The following STK3 variants were observed in gnomAD, a reference collection of about 807,000 sequenced individuals.
The protein encoded by STK3 is serine/threonine kinase 3, also known as serine/threonine-protein kinase 3.
A neutral mutation model predicts 58.0 loss-of-function variants in STK3; 41 were observed. That is an observed-to-expected ratio of 0.71 (90% CI 0.55 to 0.92). The LOEUF (loss-of-function observed/expected upper bound fraction) is 0.92, where lower values mean the gene tolerates loss of function less well. Among genes scored for constraint, STK3 ranks in the 40% least tolerant of loss-of-function variants. STK3 has a pLI of 0.00. For synonymous variants in STK3, 170 were observed against 191.0 expected (o/e 0.89, Z 0.91); for missense variants, 479 against 602.7 (o/e 0.79, Z 2.15).
rs933009170 is a variant in STK3 at position 98,918,955 on chromosome 8, T to G, written c.-79+23423A>C. 3.3e-5 allele frequency among the ~76,000 whole-genome samples: 5 copies of G among 151,582 alleles called. No homozygotes were observed. The East Asian group carries it at 5.9e-4, about 18-fold the overall frequency. On this transcript the variant is annotated intron_variant, in intron 1 of 1. Coordinates refer to the STK3 transcript ENST00000519420. ...AGAGTAAGAGGCAATAACAGTGTCA[T>G]GGCCAAGCAGAAGAAAGGGTTAGGG...
intron 1 of STK3, among the ~76,000 whole-genome samples, chr8:98,793,531 C>T (rs1832941615): frequency 6.6e-6 from 1 of 152,008 alleles, no homozygotes; most frequent in South Asian, 2.1e-4. Context: ...AGTCTCAAAA[C>T]AAACAAGCAA....
At chr8:98,718,090 T>A (rs544088393) in intron 4 of STK3, among the ~76,000 whole-genome samples, 11 of 151,360 alleles carry the variant, frequency 7.3e-5, no homozygotes, top group Non-Finnish European at 1.3e-4. Flanking sequence ...GGGTACAGAG[T>A]TTCAGTCTTA....
At chr8:98,650,527 C>T (rs1247973993) in intron 6 of STK3, among the ~76,000 whole-genome samples, 1 of 152,236 alleles carries the variant, frequency 6.6e-6, no homozygotes, top group East Asian at 1.9e-4. Context: ...CGAGCCAAAG[C>T]AGGGAGAGGT....
At chr8:98,523,373 C>T (rs1034829487) in intron 10 of STK3, among the ~76,000 whole-genome samples, 1 of 148,754 alleles carries the variant, frequency 6.7e-6, no homozygotes, top group African/African-American at 2.5e-5. Flanking sequence ...AAGTCCTTTG[C>T]CCTTTTTTTT....
intron 1 of STK3, among the ~76,000 whole-genome samples, chr8:98,817,599 T>C (rs1400051326): frequency 1.3e-5 from 2 of 152,116 alleles, no homozygotes; most frequent in Non-Finnish European, 2.9e-5. Context: ...ACTATAGATA[T>C]CCAAACCTGT....
chr8:98,766,470 T>C (rs768214440), intron 3 of STK3, among the ~76,000 whole-genome samples: 5 of 152,226 alleles, frequency 3.3e-5, no homozygotes, highest in Admixed American at 6.5e-5. Context: ...CAGGCTATAG[T>C]GCAGTGCTGC....
chr8:98,604,671 T>A, intron 6 of STK3, among the ~76,000 whole-genome samples: 1 of 152,224 alleles, frequency 6.6e-6, no homozygotes, highest in East Asian at 1.9e-4. Flanking sequence ...ACTGTTGCCT[T>A]CCTTTTAGTT....
chr8:98,397,912 G>C (rs533559305), downstream of STK3, among the ~76,000 whole-genome samples: 1 of 152,210 alleles, frequency 6.6e-6, no homozygotes, highest in Admixed American at 6.5e-5. Flanking sequence ...GTTTCCTGAG[G>C]CCTCCTAACC....
chr8:98,520,004 T>G (rs1282409532), intron 10 of STK3, among the ~76,000 whole-genome samples: 1 of 152,136 alleles, frequency 6.6e-6, no homozygotes, highest in African/African-American at 2.4e-5. Flanking sequence ...TATTCCAAAA[T>G]CTTTACATTA....
chr8:98,601,927 T>C (rs1381917287), intron 6 of STK3, among the ~76,000 whole-genome samples: 3 of 152,298 alleles, frequency 2.0e-5, no homozygotes, highest in East Asian at 3.9e-4. Flanking sequence ...TCAGCACTTG[T>C]AGAACTTAGT....
At chr8:98,786,186 A>G (rs960709503) in intron 1 of STK3, among the ~76,000 whole-genome samples, 5 of 152,244 alleles carry the variant, frequency 3.3e-5, no homozygotes, top group Non-Finnish European at 5.9e-5. Context: ...CTGGAAATGA[A>G]AAAGGTTTAC....
chr8:98,908,362 A>G (rs369930425), intron 1 of STK3, among the ~76,000 whole-genome samples: 1 of 152,244 alleles, frequency 6.6e-6, no homozygotes, highest in Non-Finnish European at 1.5e-5. Context: ...CCTAACATCC[A>G]TCAAGAGTGA....
rs761872230 is a variant in STK3, at chr8:98,548,026, A to G, written c.1084T>C (p.Leu362=). 2 of 1,610,344 alleles carry G rather than the reference A, an allele frequency of 1.2e-6. No individual in the cohort carries two copies. Among genetic ancestry groups the G allele is most frequent in the South Asian group, 1.1e-5 (1 of 90,416 alleles). The stretch of plus-strand genomic sequence containing the variant: ...TCACTGTTTATCACCATGGTCCCCA[A>G]GTCGGATTCCAACATCGTGCTATTA... The part of the protein sequence containing the change: ...EHNSTMLESD[L]GTMVINSEDE... Residue 362 remains leucine (L), a synonymous_variant, in exon 9 of 11, where the codon TTG becomes CTG. Coordinates refer to ENST00000419617, the MANE Select transcript of STK3 (RefSeq NM_006281.4).
At chr8:98,857,956 T>C (rs906398845) in intron 3 of STK3, among the ~76,000 whole-genome samples, 1 of 152,166 alleles carries the variant, frequency 6.6e-6, no homozygotes, top group African/African-American at 2.4e-5. Context: ...GTGTGAAATA[T>C]TTAACTGGGT....
Position 98,693,406 on chromosome 8 carries a change from T to C in STK3, c.684+13061A>G, listed in dbSNP as rs146920037. On this transcript the variant is annotated intron_variant, in intron 6 of 10. Transcript: ENST00000419617. ...AGACCCTGTGAAAGAAGAAAGAAGA[T>C]GATGATGATGACACAGACACTCAGA... Among the ~76,000 whole-genome samples the C allele has an allele frequency of 4.6e-5, 7 of 151,714 alleles. No individual in the cohort carries two copies. The East Asian group carries it at 1.2e-3, about 25-fold the overall frequency.
At chr8:98,722,255 A>G (rs759539831) in intron 4 of STK3, among the ~76,000 whole-genome samples, 1 of 152,218 alleles carries the variant, frequency 6.6e-6, no homozygotes, top group Non-Finnish European at 1.5e-5. Flanking sequence ...AAAATGACAA[A>G]AAGCGATAGT....
chr8:98,389,408 A>G (rs2131010639), upstream of STK3, among the ~76,000 whole-genome samples: 1 of 152,342 alleles, frequency 6.6e-6, no homozygotes, highest in Admixed American at 6.5e-5. Context: ...GAAGTCTAGC[A>G]CAATGCTTAA....
At chr8:98,377,518 A>G (rs1817687595) in intron 2 of STK3, among the ~76,000 whole-genome samples, 1 of 151,760 alleles carries the variant, frequency 6.6e-6, no homozygotes, top group Non-Finnish European at 1.5e-5. Context: ...ATGTCTAATT[A>G]AAGACAAATA....
chr8:98,586,208 A>G (rs2131776137), intron 7 of STK3, among the ~76,000 whole-genome samples: 1 of 151,792 alleles, frequency 6.6e-6, no homozygotes, highest in Non-Finnish European at 1.5e-5. Flanking sequence ...GTTTTTGCCC[A>G]TTCAGTATGA....
Sources: gnomAD v4.1 joint callset for allele counts (sites outside exome capture counted in the v4.1 genomes callset) on GRCh38, gnomAD v4.1.1 for gene constraint, MANE v1.5 for transcripts, NCBI Gene and HGNC (gene_info 2026-07-23, HGNC 2026-07-21) for gene names.